KCNB2: variants seen among roughly 807,000 people sequenced by gnomAD.
KCNB2 encodes delayed rectifier potassium channel protein.
Under a neutral mutation model 61.5 loss-of-function variants are expected in KCNB2, and 15 were observed. That is an observed-to-expected ratio of 0.24 (90% CI 0.16 to 0.38). The LOEUF is 0.38. Ranked by LOEUF, KCNB2 falls within the 10% of genes least tolerant of loss-of-function variation. The pLI is 1.00. For missense variants in KCNB2, 828 were observed against 1,125.2 expected (o/e 0.74, Z 3.78); for synonymous variants, 457 against 446.0 (o/e 1.02, Z -0.31).
chr8:72,887,721 C>T (rs565890309), intron 2 of KCNB2, among the ~76,000 whole-genome samples: 234 of 152,330 alleles, frequency 1.5e-3, no homozygotes, highest in African/African-American at 5.4e-3. Flanking sequence ...TTATGCCTCT[C>T]GGATTTTTGT....
In KCNB2 at chr8:72,578,544, G is replaced by C. The variant is rs1477548248; in HGVS notation, c.579+10231G>C. 2.0e-5 allele frequency among the ~76,000 whole-genome samples: 3 copies of C among 152,064 alleles called. No individual in the cohort carries two copies. In the East Asian group the frequency reaches 5.8e-4, roughly 29 times the overall value. ...TTAAAATTCAAAGCAAAAAAAATCG[G>C]TTTTAAGCCCTGGTCTTTATTTTTC... On this transcript the variant is annotated intron_variant, in intron 2 of 2. Coordinates refer to ENST00000523207, the MANE Select transcript of KCNB2 (RefSeq NM_004770.3).
At position 72,920,473 on chromosome 8, in the gene KCNB2, C is replaced by CTATCTA. The variant is rs1406310738; in HGVS notation, c.580-15459_580-15458insCTATAT. On this transcript the variant is annotated intron_variant, in intron 2 of 2. Transcript: ENST00000523207. ...TCTATCTATCTATCTATCTATCTATCTATATATATATATATTAGCTGGCCA... is the reference window on the plus strand; with the variant it reads ...TCTATCTATCTATCTATCTATCTATCTATCTATATATATATATATATTAGCTGGCCA... Among the ~76,000 whole-genome samples, 96 of 78,800 alleles carry CTATCTA rather than the reference C, an allele frequency of 1.2e-3. 8 individuals carry two copies. The highest frequency in any genetic ancestry group is 4.1e-3 in the African/African-American group (90 of 22,182). 51.7% of individuals were successfully genotyped at this position (78,800 alleles called of 152,430 possible). A position where few individuals can be genotyped will look rare whatever the true frequency, so the allele number is the denominator to read the frequency against.
At chr8:72,798,995 TG>T (rs1251576015) in intron 2 of KCNB2, among the ~76,000 whole-genome samples, 5 of 152,148 alleles carry the variant, frequency 3.3e-5, no homozygotes, top group African/African-American at 4.8e-5. Flanking sequence ...CCACCATCTC[TG>T]GGGGCATTAT....
chr8:72,541,195 T>C (rs1806183211), intron 1 of KCNB2, among the ~76,000 whole-genome samples: 1 of 151,722 alleles, frequency 6.6e-6, no homozygotes, highest in African/African-American at 2.4e-5. Context: ...TAATAATAAT[T>C]TCATTAAAAT....
chr8:72,899,631 C>G (rs896414847), intron 2 of KCNB2, among the ~76,000 whole-genome samples: 4 of 151,494 alleles, frequency 2.6e-5, no homozygotes, highest in African/African-American at 9.7e-5. Context: ...TTTACAATAG[C>G]CACAAAAGAA....
At chr8:72,931,899 G>C (rs1311265673) in intron 2 of KCNB2, among the ~76,000 whole-genome samples, 1 of 152,196 alleles carries the variant, frequency 6.6e-6, no homozygotes, top group Admixed American at 6.5e-5. Context: ...TGTATTCCCA[G>C]CTACTTGGGA....
chr8:72,564,552 A>G (rs1362474565), intron 1 of KCNB2, among the ~76,000 whole-genome samples: 2 of 152,236 alleles, frequency 1.3e-5, no homozygotes, highest in African/African-American at 4.8e-5. Context: ...GAGACTCCAC[A>G]TTCAGATTCA....
At position 72,690,393 on chromosome 8, in the gene KCNB2, G is replaced by A. The variant is rs186410966; in HGVS notation, c.579+122080G>A. Reference sequence around the variant, plus strand: ...AAATGTCATCAGTTAAATAAACTACGATCTTTGTGTCTGTAGACCAATTGA... The same window carrying A: ...AAATGTCATCAGTTAAATAAACTACAATCTTTGTGTCTGTAGACCAATTGA... On this transcript the variant is annotated intron_variant, in intron 2 of 2. Transcript: ENST00000523207. 2.6e-5 allele frequency among the ~76,000 whole-genome samples: 4 copies of A among 152,284 alleles called. No individual in the cohort carries two copies. The South Asian group carries it at 6.2e-4, about 24-fold the overall frequency.
chr8:72,571,549 G>C (rs1169115763), intron 2 of KCNB2, among the ~76,000 whole-genome samples: 1 of 152,122 alleles, frequency 6.6e-6, no homozygotes, highest in Non-Finnish European at 1.5e-5. Context: ...AGTTCTCTGG[G>C]ATATGGTGTG....
At chr8:72,905,605 G>A (rs1806164382) in intron 2 of KCNB2, among the ~76,000 whole-genome samples, 1 of 152,170 alleles carries the variant, frequency 6.6e-6, no homozygotes, top group Admixed American at 6.6e-5. Flanking sequence ...TTCCTCTGCT[G>A]TGGGCATTTG....
chr8:72,866,852 T>C (rs981635008), intron 2 of KCNB2, among the ~76,000 whole-genome samples: 12 of 152,212 alleles, frequency 7.9e-5, no homozygotes, highest in African/African-American at 2.9e-4. Context: ...AATCACAGGC[T>C]TTGAAATTAA....
At chr8:72,906,223 C>G (rs1806174071) in intron 2 of KCNB2, among the ~76,000 whole-genome samples, 1 of 152,168 alleles carries the variant, frequency 6.6e-6, no homozygotes, top group Non-Finnish European at 1.5e-5. Context: ...CTCTTTTCCA[C>G]TAAAAACAAT....
In KCNB2 at chr8:72,936,129, A is replaced by T. The variant is rs1246953305; in HGVS notation, c.774A>T (p.Lys258Asn). 6.2e-7 allele frequency: 1 copy of T among 1,614,214 alleles called. No individual in the cohort carries two copies. The highest frequency in any genetic ancestry group is 1.1e-5 in the South Asian group (1 of 91,080). Residue 258 changes from lysine (K) to asparagine (N), a missense_variant, in exon 3 of 3, where the codon AAA becomes AAT. Physicochemically the swap from Lys to Asn is moderately conservative, Grantham distance 94. Around this residue, in one of 4 missense-constraint regions of KCNB2, gnomAD observed 163 missense variants for 314.4 expected, o/e 0.52. Coordinates refer to ENST00000523207, the MANE Select transcript of KCNB2 (RefSeq NM_004770.3). This position sits in a 1 kb window ranked among gnomAD's most constrained non-coding sequence, Gnocchi z 5.6. Reference sequence around the variant, plus strand: ...TGCGATTCTTATCCTCACCAAATAAATGGAAGTTCTTCAAAGGCCCACTGA... The same window carrying T: ...TGCGATTCTTATCCTCACCAAATAATTGGAAGTTCTTCAAAGGCCCACTGA... ...YLLRFLSSPN[K>N]WKFFKGPLNV...
intron 2 of KCNB2, among the ~76,000 whole-genome samples, chr8:72,575,192 T>G (rs994215340): frequency 1.3e-5 from 2 of 152,168 alleles, no homozygotes; most frequent in Admixed American, 6.5e-5. Context: ...AAGGAGATGG[T>G]CGCTCATTGT....
chr8:72,748,656 A>G (rs559561709), intron 2 of KCNB2, among the ~76,000 whole-genome samples: 1 of 80,422 alleles, frequency 1.2e-5, no homozygotes, highest in South Asian at 3.7e-4. Context: ...ATGGAGTTTT[A>G]TTATAATGGT....
At chr8:72,785,058 T>C (rs768892259) in intron 2 of KCNB2, among the ~76,000 whole-genome samples, 2 of 152,232 alleles carry the variant, frequency 1.3e-5, no homozygotes, top group South Asian at 2.1e-4. Flanking sequence ...TATAATCTAA[T>C]GTCTCAATTT....
chr8:72,654,939 T>C (rs76709304), intron 2 of KCNB2, among the ~76,000 whole-genome samples: 1 of 152,152 alleles, frequency 6.6e-6, no homozygotes, highest in African/African-American at 2.4e-5. Context: ...AGCAATCCCA[T>C]TGTTGAGTAT....
At chr8:72,856,369 G>T (rs1810207575) in intron 2 of KCNB2, among the ~76,000 whole-genome samples, 1 of 152,120 alleles carries the variant, frequency 6.6e-6, no homozygotes, top group African/African-American at 2.4e-5. Flanking sequence ...AGAGTCACAT[G>T]TTGCTAGTGG....
chr8:72,861,835 G>A (rs997919701), intron 2 of KCNB2, among the ~76,000 whole-genome samples: 3 of 152,150 alleles, frequency 2.0e-5, no homozygotes, highest in African/African-American at 7.2e-5. Flanking sequence ...CTGTAAAATA[G>A]GGATAGTTTA....
Sources: gnomAD v4.1 joint callset for allele counts (sites outside exome capture counted in the v4.1 genomes callset) on GRCh38, gnomAD v4.1.1 for gene constraint, gnomAD v4.1.1 regional missense constraint, Gnocchi (gnomAD v3.1) non-coding constraint, MANE v1.5 for transcripts, NCBI Gene and HGNC (gene_info 2026-07-23, HGNC 2026-07-21) for gene names.